Variants in KAZN observed in about 807,000 individuals in gnomAD.
KAZN encodes kazrin.
KAZN carries 40 observed loss-of-function variants against 87.4 expected under a neutral mutation model. That is an observed-to-expected ratio of 0.46 (90% CI 0.36 to 0.60). The LOEUF (loss-of-function observed/expected upper bound fraction) is 0.60. Ranked by LOEUF, KAZN falls within the 20% of genes least tolerant of loss-of-function variation. The probability of loss-of-function intolerance (pLI) is 0.00; values close to 1 mark genes in which losing one functional copy is unlikely to be tolerated. For missense variants in KAZN, 898 were observed against 1,073.9 expected (o/e 0.84, Z 2.29); for synonymous variants, 466 against 458.3 (o/e 1.02, Z -0.22).
At chr1:14,920,323 C>G (rs1658364748) in intron 1 of KAZN, among the ~76,000 whole-genome samples, 1 of 126,228 alleles carries the variant, frequency 7.9e-6, no homozygotes, top group South Asian at 2.5e-4. Context: ...AGCCTGAGGT[C>G]AGGGTCATGG....
At position 14,599,298 on chromosome 1, in the gene KAZN, G is replaced by A; in HGVS notation, c.226+75G>A. The A allele has an allele frequency of 4.7e-6, 6 of 1,265,992 alleles. No homozygotes were observed. Among genetic ancestry groups the A allele is most frequent in the Non-Finnish European group, 6.0e-6 (6 of 1,005,818 alleles). 78.4% of individuals were successfully genotyped at this position (1,265,992 alleles called of 1,614,324 possible). A position where few individuals can be genotyped will look rare whatever the true frequency, so the allele number is the denominator to read the frequency against. ...CGGCCTCGGAGGTGGCCGGGGACCC[G>A]GGGTCCCCCACACCCGGGGCGAAAT... On this transcript the variant is annotated intron_variant, in intron 1 of 14. Coordinates refer to ENST00000376030, the MANE Select transcript of KAZN (RefSeq NM_201628.3). The surrounding 1 kb of genome is among the most constrained non-coding windows in gnomAD (Gnocchi z 4.4).
chr1:14,251,005 A>G (rs1649982564), intron 2 of KAZN, among the ~76,000 whole-genome samples: 1 of 152,172 alleles, frequency 6.6e-6, no homozygotes, highest in African/African-American at 2.4e-5. Context: ...AACAACAACA[A>G]AAAACATGTT....
intron 3 of KAZN, among the ~76,000 whole-genome samples, chr1:15,038,308 A>C (rs769790605): frequency 2.6e-4 from 40 of 152,122 alleles, no homozygotes; most frequent in Admixed American, 6.5e-4. Context: ...AGAGTCCAAG[A>C]GGATCCAAAA....
upstream of KAZN, among the ~76,000 whole-genome samples, chr1:14,596,812 A>T (rs796222321): frequency 1.1e-4 from 16 of 152,358 alleles, no homozygotes; most frequent in African/African-American, 3.1e-4. Context: ...ATTCCATTGC[A>T]TACTGCAATT....
chr1:15,080,878 G>A (rs768601215), intron 8 of KAZN, among the ~76,000 whole-genome samples: 23 of 152,216 alleles, frequency 1.5e-4, no homozygotes, highest in Admixed American at 4.6e-4. Flanking sequence ...GCTACACTCG[G>A]TGCTCCCCAG....
intron 2 of KAZN, among the ~76,000 whole-genome samples, chr1:14,326,305 G>A (rs372909962): frequency 5.3e-5 from 8 of 152,186 alleles, no homozygotes; most frequent in African/African-American, 1.9e-4. Context: ...TGTTGTGTCT[G>A]TTCCTTTCCC....
intron 2 of KAZN, among the ~76,000 whole-genome samples, chr1:14,472,434 T>G (rs972837985): frequency 9.9e-5 from 15 of 152,278 alleles, no homozygotes; most frequent in Middle Eastern, 3.4e-3. Context: ...TACCATCTTA[T>G]GACAATGCCA....
At chr1:13,951,305 T>C (rs1418876533) in intron 1 of KAZN, among the ~76,000 whole-genome samples, 1 of 152,090 alleles carries the variant, frequency 6.6e-6, no homozygotes, top group Non-Finnish European at 1.5e-5. Context: ...GATCTACCAC[T>C]TCACAGCTGT....
At chr1:14,896,947 G>A (rs964104501) in intron 1 of KAZN, among the ~76,000 whole-genome samples, 1 of 152,128 alleles carries the variant, frequency 6.6e-6, no homozygotes, top group Non-Finnish European at 1.5e-5. Flanking sequence ...TCTGTAAAAT[G>A]GGGAGAGTAG....
intron 1 of KAZN, among the ~76,000 whole-genome samples, chr1:14,813,973 T>C (rs1170384774): frequency 2.0e-5 from 3 of 152,216 alleles, no homozygotes; most frequent in Non-Finnish European, 4.4e-5. Flanking sequence ...GGGATGAGCT[T>C]ACTCATCCCC....
chr1:14,315,816 G>T (rs989643504), intron 2 of KAZN, among the ~76,000 whole-genome samples: 1 of 151,924 alleles, frequency 6.6e-6, no homozygotes, highest in Admixed American at 6.6e-5. Flanking sequence ...TAATATTAGG[G>T]TTGTTTCCAA....
At chr1:14,430,888 G>A (rs1666026307) in intron 2 of KAZN, among the ~76,000 whole-genome samples, 1 of 152,204 alleles carries the variant, frequency 6.6e-6, no homozygotes, top group Non-Finnish European at 1.5e-5. Flanking sequence ...TGAGCAAGAG[G>A]CTAGAAAGCT....
chr1:14,467,674 CAAAAAAAAAAAA>C (rs36034022), intron 2 of KAZN, among the ~76,000 whole-genome samples: 1 of 77,346 alleles, frequency 1.3e-5, no homozygotes, highest in East Asian at 3.7e-4. Flanking sequence ...ATCCAAAAGG[CAAAAAAAAAAAA>C]AAAAAAAAAG....
At chr1:14,360,455 C>G (rs1332000510) in intron 2 of KAZN, among the ~76,000 whole-genome samples, 1 of 152,174 alleles carries the variant, frequency 6.6e-6, no homozygotes, top group African/African-American at 2.4e-5. Flanking sequence ...ATTCATCAAA[C>G]TCATTCTCCA....
rs143017749 is a variant in KAZN at position 13,981,419 on chromosome 1, A to T, written c.91+87663A>T. ...GTGAGCTGGCCTTAGAAGTTCCATG[A>T]TGTCATTTTAGCTATTGGTCAAAGC... On this transcript the variant is annotated intron_variant, in intron 1 of 16. Coordinates refer to the KAZN transcript ENST00000636203. Among the ~76,000 whole-genome samples the T allele has an allele frequency of 2.3e-3, 348 of 151,062 alleles. 2 individuals are homozygous for T. Among genetic ancestry groups the T allele is most frequent in the African/African-American group, 7.8e-3 (323 of 41,392 alleles).
At chr1:14,363,191 C>T (rs1232108278) in intron 2 of KAZN, among the ~76,000 whole-genome samples, 1 of 152,164 alleles carries the variant, frequency 6.6e-6, no homozygotes, top group African/African-American at 2.4e-5. Context: ...CAGTTGGGGA[C>T]TCTGAAATAG....
chr1:14,550,703 T>TTATCTCTC (rs1673444143), intron 2 of KAZN, among the ~76,000 whole-genome samples: 1 of 38,590 alleles, frequency 2.6e-5, no homozygotes, highest in African/African-American at 8.4e-5. Flanking sequence ...CTCTCCTCTT[T>TTATCTCTC]TCTCTCTCTC....
chr1:15,090,277 C>T (rs1443840077), intron 8 of KAZN, among the ~76,000 whole-genome samples: 2 of 152,224 alleles, frequency 1.3e-5, no homozygotes, highest in Non-Finnish European at 2.9e-5. Context: ...CTCTCCTCTT[C>T]CCAGAAGCAC....
intron 1 of KAZN, among the ~76,000 whole-genome samples, chr1:14,126,050 G>A (rs1285551197): frequency 2.6e-5 from 4 of 152,172 alleles, no homozygotes; most frequent in African/African-American, 9.7e-5. Context: ...AGTGGAAGGT[G>A]TATTAAGCAC....
Sources: allele counts gnomAD v4.1 joint callset (sites outside exome capture counted in the v4.1 genomes callset), GRCh38; gene constraint gnomAD v4.1.1; non-coding constraint Gnocchi (gnomAD v3.1); transcripts MANE v1.5; gene names NCBI Gene and HGNC (gene_info 2026-07-23, HGNC 2026-07-21).